Variants in TBCK observed in about 807,000 individuals in gnomAD.
TBCK encodes TBC domain-containing protein kinase-like protein.
Under a neutral mutation model 113.4 loss-of-function variants are expected in TBCK, and 99 were observed. The observed-to-expected ratio is 0.87, with a 90% CI of 0.74 to 1.03. The LOEUF (loss-of-function observed/expected upper bound fraction) is 1.03. Among genes scored for constraint, TBCK ranks in the 50% least tolerant of loss-of-function variants. TBCK has a pLI of 0.00. For synonymous variants in TBCK, 369 were observed against 370.8 expected, an observed-to-expected ratio of 1.00 and a Z score of 0.05; for missense variants, 1,045 against 1,061.3, an observed-to-expected ratio of 0.98 and a Z score of 0.21.
At chr4:106,254,796 A>G (rs1420483765) in intron 5 of TBCK, among the ~76,000 whole-genome samples, 1 of 152,010 alleles carries the variant, frequency 6.6e-6, no homozygotes, top group African/African-American at 2.4e-5. Flanking sequence ...CCACACATAC[A>G]TAGGTTTGTT....
chr4:106,220,078 C>T (rs1757495259), intron 19 of TBCK, among the ~76,000 whole-genome samples: 1 of 152,074 alleles, frequency 6.6e-6, no homozygotes, highest in South Asian at 2.1e-4. Context: ...TCAAATAATC[C>T]TTTGCTTCCA....
chr4:106,238,487 G>C (rs993891668), intron 12 of TBCK: 1 of 152,004 alleles, frequency 6.6e-6, no homozygotes, highest in African/African-American at 2.4e-5. Flanking sequence ...ATGGGATAAG[G>C]GTTTGGGAAC....
chr4:106,247,368 G>T, intron 9 of TBCK, 81 bp from the exon 10 acceptor site: 1 of 1,345,408 alleles, frequency 7.4e-7, no homozygotes, highest in Non-Finnish European at 1.0e-6. Context: ...CAAGAGAATG[G>T]ATAAAAGTCT....
intron 22 of TBCK, among the ~76,000 whole-genome samples, chr4:106,193,091 C>T (rs1050130828): frequency 1.3e-5 from 2 of 152,148 alleles, no homozygotes; most frequent in African/African-American, 4.8e-5. Flanking sequence ...CTTGTGAATA[C>T]TCTATATAGC....
intron 23 of TBCK, among the ~76,000 whole-genome samples, chr4:106,127,685 G>A (rs1483947692): frequency 2.0e-5 from 3 of 152,156 alleles, no homozygotes; most frequent in South Asian, 2.1e-4. Context: ...GTGTGTGTGT[G>A]TATGTGTTCA....
chr4:106,225,607 C>G (rs1758154591), intron 19 of TBCK, among the ~76,000 whole-genome samples: 1 of 151,994 alleles, frequency 6.6e-6, no homozygotes, highest in Non-Finnish European at 1.5e-5. Context: ...TTACAGGCGC[C>G]TGCCACCATG....
At position 106,052,159 on chromosome 4, in the gene TBCK, A is replaced by C. The variant is rs533366068; in HGVS notation, c.2572-5479T>G. Among the ~76,000 whole-genome samples the C allele has an allele frequency of 7.2e-5, 11 of 151,960 alleles. No individual in the cohort carries two copies. In the East Asian group the frequency reaches 2.1e-3, roughly 29 times the overall value. Reference sequence around the variant, plus strand: ...ACTGGTTTTCATAGTAATAATATCTAGTAACAATTAGGCAGTGGTTGCTGT... The same window carrying C: ...ACTGGTTTTCATAGTAATAATATCTCGTAACAATTAGGCAGTGGTTGCTGT... On this transcript the variant is annotated intron_variant, in intron 25 of 25. Transcript: ENST00000394708.
intron 24 of TBCK, among the ~76,000 whole-genome samples, chr4:106,113,726 G>A (rs777681828): frequency 1.3e-5 from 2 of 152,180 alleles, no homozygotes; most frequent in Admixed American, 6.5e-5. Flanking sequence ...AAGACTGAGC[G>A]AATCTGCTCT....
rs546101425 is a variant in TBCK at position 106,119,035 on chromosome 4, T to A, written c.2236-2657A>T. On this transcript the variant is annotated intron_variant, in intron 23 of 25. Transcript: ENST00000394708. ...CTACTTTGCTTTATGAAGAAAATAA[T>A]TACAATATTAAAAACAGAGAATTTA... Among the ~76,000 whole-genome samples, 90 of 152,302 alleles carry A rather than the reference T, an allele frequency of 5.9e-4. 3 individuals carry two copies. The highest frequency in any genetic ancestry group is 1.7e-3 in the Admixed American group (26 of 15,298).
intron 23 of TBCK, among the ~76,000 whole-genome samples, chr4:106,161,874 A>G (rs1198430647): frequency 6.6e-6 from 1 of 152,118 alleles, no homozygotes; most frequent in East Asian, 1.9e-4. Flanking sequence ...GATTCCATTT[A>G]TTTAAAAGTT....
In TBCK at chr4:106,044,453, A is replaced by C. The variant is rs1055801124; in HGVS notation, c.*2117T>G. On this transcript the variant is annotated 3_prime_UTR_variant, in exon 26 of 26. Coordinates refer to ENST00000394708, the MANE Select transcript of TBCK (RefSeq NM_001163435.3). Reference sequence around the variant, plus strand: ...TCCTTGTAAACTAGGTAAGGATCACAAATGATATAACTATGGATTATATTA... The same window carrying C: ...TCCTTGTAAACTAGGTAAGGATCACCAATGATATAACTATGGATTATATTA... The C allele has an allele frequency of 6.6e-6, 1 of 151,006 alleles. No homozygotes were observed. The highest frequency in any genetic ancestry group is 2.5e-5 in the African/African-American group (1 of 40,272). The allele number at this position is 151,006 out of a possible 1,614,324, so 9.4% of individuals were successfully genotyped here.
At chr4:106,234,180 C>G (rs1299195298) in intron 15 of TBCK, among the ~76,000 whole-genome samples, 2 of 152,040 alleles carry the variant, frequency 1.3e-5, no homozygotes, top group Non-Finnish European at 2.9e-5. Flanking sequence ...AAGTAGGGTT[C>G]AAACTCCAAT....
chr4:106,212,810 C>G lies in TBCK; in HGVS notation c.1800G>C (p.Met600Ile), dbSNP rs754044813. 3 of 1,612,470 alleles carry G rather than the reference C, an allele frequency of 1.9e-6. No homozygotes were observed. Among genetic ancestry groups the G allele is most frequent in the Middle Eastern group, 1.7e-4 (1 of 6,050 alleles). ...TCAGCTCTGGATCATGAAATGCAAT[C>G]ATCTGAGAGAAGACAGTCAGATACT... ...IQEYLTVFSQ[M>I]IAFHDPELSN... The change falls in exon 20 of 26, where the codon ATG becomes ATC. Residue 600 changes from methionine (M) to isoleucine (I), a missense_variant. Transcript: ENST00000394708.
intron 10 of TBCK, 60 bp downstream of exon 10, chr4:106,247,079 C>A: frequency 6.6e-7 from 1 of 1,526,708 alleles, no homozygotes; most frequent in Non-Finnish European, 8.9e-7. Context: ...GAAAGTAGGA[C>A]AAGGAAACTT....
At chr4:106,239,272 C>G (rs1759814089) in intron 12 of TBCK, among the ~76,000 whole-genome samples, 1 of 152,018 alleles carries the variant, frequency 6.6e-6, no homozygotes, top group Admixed American at 6.6e-5. Flanking sequence ...GTGGGAGAAG[C>G]TGAGAAGCCT....
At chr4:106,147,716 C>T (rs916522111) in intron 23 of TBCK, among the ~76,000 whole-genome samples, 15 of 151,892 alleles carry the variant, frequency 9.9e-5, no homozygotes, top group Non-Finnish European at 1.6e-4. Flanking sequence ...GTGATAATTG[C>T]ATTAACTGCA....
chr4:106,216,249 C>T (rs1458362848), intron 19 of TBCK, among the ~76,000 whole-genome samples: 1 of 149,726 alleles, frequency 6.7e-6, no homozygotes, highest in Non-Finnish European at 1.5e-5. Context: ...CACTAAATGC[C>T]CACAAGAGAA....
At chr4:106,314,805 A>G (rs1768595139) in intron 1 of TBCK, among the ~76,000 whole-genome samples, 1 of 151,466 alleles carries the variant, frequency 6.6e-6, no homozygotes, top group South Asian at 2.1e-4. Context: ...TTGTATTTTT[A>G]GTAGAGACGG....
chr4:106,060,721 G>A (rs1447176760), intron 25 of TBCK, among the ~76,000 whole-genome samples: 1 of 151,750 alleles, frequency 6.6e-6, no homozygotes, highest in Non-Finnish European at 1.5e-5. Flanking sequence ...GGCTGTAGCT[G>A]CTATAGATAG....
Sources: gnomAD v4.1 joint callset for allele counts (sites outside exome capture counted in the v4.1 genomes callset) on GRCh38, gnomAD v4.1.1 for gene constraint, MANE v1.5 for transcripts, NCBI Gene and HGNC (gene_info 2026-07-23, HGNC 2026-07-21) for gene names.